Variants in CELA1 observed in about 807,000 individuals in gnomAD.
CELA1 encodes chymotrypsin like elastase 1, also known as chymotrypsin-like elastase family member 1.
CELA1 carries 28 observed loss-of-function variants against 34.8 expected under a neutral mutation model. The ratio of observed to expected loss-of-function variants is 0.80; its 90% CI spans 0.60 to 1.10. The LOEUF is 1.10. Among genes scored for constraint, CELA1 ranks in the 50% least tolerant of loss-of-function variants. The probability of loss-of-function intolerance (pLI) is 0.00; values close to 1 mark genes in which losing one functional copy is unlikely to be tolerated. For missense variants in CELA1, 288 were observed against 327.5 expected (o/e 0.88, Z 0.93); for synonymous variants, 140 against 129.8 (o/e 1.08, Z -0.53).
At chr12:51,334,681 G>A (rs916826012) in intron 6 of CELA1, among the ~76,000 whole-genome samples, 3 of 152,164 alleles carry the variant, frequency 2.0e-5, no homozygotes, top group African/African-American at 7.2e-5. Flanking sequence ...TGATCCGCCT[G>A]CCTTGGCCTC....
intron 7 of CELA1, 100 bp from the exon 8 acceptor site, chr12:51,328,694 A>T (rs1177582051): frequency 7.3e-7 from 1 of 1,374,372 alleles, no homozygotes; most frequent in Non-Finnish European, 1.0e-6. Flanking sequence ...TACTGGGTTT[A>T]TGGGAAGTTG....
At chr12:51,341,430 G>A (rs746588426) in intron 4 of CELA1, 50 bp from the exon 5 acceptor site, 1 of 1,607,786 alleles carries the variant, frequency 6.2e-7, no homozygotes, top group Admixed American at 1.7e-5. Context: ...TCTTCCCTGA[G>A]GTCAGCATAT....
intron 6 of CELA1, 44 bp downstream of exon 6, chr12:51,339,816 A>G: frequency 6.3e-7 from 1 of 1,594,370 alleles, no homozygotes; most frequent in Non-Finnish European, 8.6e-7. Context: ...AGGGATAGGC[A>G]GAGAGTGGCG....
In CELA1 at chr12:51,341,454, C is replaced by T. The variant is rs997745403; in HGVS notation, c.327-74G>A. 2.0e-6 allele frequency: 3 copies of T among 1,525,560 alleles called. No homozygotes were observed. The African/African-American group carries it at 4.1e-5, about 21-fold the overall frequency. 94.5% of individuals were successfully genotyped at this position (1,525,560 alleles called of 1,614,324 possible). A position where few individuals can be genotyped will look rare whatever the true frequency, so the allele number is the denominator to read the frequency against. On this transcript the variant is annotated intron_variant, in intron 4 of 7. Transcript: ENST00000293636. ...AGGTCAGCATATACACTGGCCCTCT[C>T]TAAGCATTTGTATCCCCGTGGAATT...
chr12:51,335,149 T>A (rs573126035), intron 6 of CELA1, among the ~76,000 whole-genome samples: 7 of 152,218 alleles, frequency 4.6e-5, no homozygotes, highest in African/African-American at 1.2e-4. Context: ...CCACCTGTGC[T>A]CTTAGTTCCA....
chr12:51,345,042 T>G (rs1946558205), intron 2 of CELA1, among the ~76,000 whole-genome samples: 1 of 152,126 alleles, frequency 6.6e-6, no homozygotes, highest in Non-Finnish European at 1.5e-5. Context: ...GGAGAACTGC[T>G]TGAACCCAGG....
chr12:51,342,435 A>G, intron 4 of CELA1, 140 bp downstream of exon 4: 1 of 1,228,650 alleles, frequency 8.1e-7, no homozygotes, highest in Admixed American at 2.1e-5. Flanking sequence ...CTCCTTAACT[A>G]AAGGCCAGGC....
intron 6 of CELA1, among the ~76,000 whole-genome samples, chr12:51,332,453 C>G (rs989136992): frequency 1.3e-5 from 2 of 152,042 alleles, no homozygotes; most frequent in Non-Finnish European, 2.9e-5. Flanking sequence ...ATGTAGACAC[C>G]AAAAGAATCA....
At chr12:51,329,923 T>A in intron 6 of CELA1, 90 bp from the exon 7 acceptor site, 1 of 1,295,178 alleles carries the variant, frequency 7.7e-7, no homozygotes, top group Non-Finnish European at 1.1e-6. Flanking sequence ...TGTGAAATTC[T>A]GTACGGTTTT....
Position 51,342,578 on chromosome 12 carries a change from G to A in CELA1, c.323C>T (p.Ala108Val). 1 of 1,614,074 alleles carries A rather than the reference G, an allele frequency of 6.2e-7. No individual in the cohort carries two copies. The highest frequency in any genetic ancestry group is 8.5e-7 in the Non-Finnish European group (1 of 1,180,012). Residue 108 changes from alanine (A) to valine (V), a missense_variant, in exon 4 of 8, where the codon GCC becomes GTC. Physicochemically the swap from Ala to Val is moderately conservative, Grantham distance 64. Coordinates refer to ENST00000293636, the MANE Select transcript of CELA1 (RefSeq NM_001971.6). ...GCCAGCTTGGACTTGCTCCTACCCG[G>A]CAGCCACGTTATCGCTGTTCCAGTA... Reference protein sequence around the residue: ...HPYWNSDNVAAGYDIALLRLA... With the variant: ...HPYWNSDNVAVGYDIALLRLA...
chr12:51,345,414 G>A (rs1465342862), intron 2 of CELA1, among the ~76,000 whole-genome samples: 4 of 152,236 alleles, frequency 2.6e-5, no homozygotes, highest in African/African-American at 4.8e-5. Context: ...GTGTGTGTGC[G>A]CGCACATGCG....
intron 7 of CELA1, among the ~76,000 whole-genome samples, chr12:51,328,883 TG>T (rs1233331429): frequency 6.6e-6 from 1 of 152,162 alleles, no homozygotes; most frequent in African/African-American, 2.4e-5. Flanking sequence ...TGAAATGTGT[TG>T]TGTGGCCTTT....
At chr12:51,338,936 A>AC (rs1946516374) in intron 6 of CELA1, among the ~76,000 whole-genome samples, 1 of 151,922 alleles carries the variant, frequency 6.6e-6, no homozygotes, top group African/African-American at 2.4e-5. Flanking sequence ...ACAAAGCAAG[A>AC]CCCCATCTCT....
chr12:51,338,302 A>ACG (rs1555174546), intron 6 of CELA1, among the ~76,000 whole-genome samples: 3,832 of 23,820 alleles, frequency 0.16, 97 homozygotes, highest in East Asian at 0.46. Context: ...ACATACGCAT[A>ACG]CATATATATA....
At chr12:51,345,373 C>T (rs1294803469) in intron 2 of CELA1, among the ~76,000 whole-genome samples, 1 of 152,170 alleles carries the variant, frequency 6.6e-6, no homozygotes, top group Non-Finnish European at 1.5e-5. Flanking sequence ...TCTAAATAGC[C>T]AACTAAGCAG....
In CELA1 at chr12:51,339,551, C is replaced by CA. The variant is rs1168663831; in HGVS notation, c.609+308dup. The stretch of plus-strand genomic sequence containing the variant: ...GGGCAACAAGAGCAAAACTCCATCT[C>CA]AAAAAAAAAATCTAGGTAACAAATT... On this transcript the variant is annotated intron_variant, in intron 6 of 7. Coordinates refer to ENST00000293636, the MANE Select transcript of CELA1 (RefSeq NM_001971.6). Among the ~76,000 whole-genome samples the CA allele has an allele frequency of 5.0e-3, 744 of 149,362 alleles. 4 individuals are homozygous for CA. Among genetic ancestry groups the CA allele is most frequent in the African/African-American group, 0.018 (714 of 40,772 alleles).
At chr12:51,344,936 C>G (rs975748287) in intron 2 of CELA1, among the ~76,000 whole-genome samples, 1 of 151,908 alleles carries the variant, frequency 6.6e-6, no homozygotes, top group African/African-American at 2.4e-5. Context: ...ACCAGCCTGG[C>G]CAACATGGTG....
At chr12:51,341,934 G>C (rs575243532) in intron 4 of CELA1, among the ~76,000 whole-genome samples, 1 of 152,260 alleles carries the variant, frequency 6.6e-6, no homozygotes, top group African/African-American at 2.4e-5. Context: ...ACCCCCCATA[G>C]AAACAGAACA....
intron 3 of CELA1, 52 bp from the exon 4 acceptor site, chr12:51,342,752 T>C (rs141477917): frequency 2.5e-6 from 4 of 1,569,458 alleles, no homozygotes; most frequent in Non-Finnish European, 3.5e-6. Context: ...AAACCTTCTC[T>C]ACCCCACTTA....
Sources: allele counts gnomAD v4.1 joint callset (sites outside exome capture counted in the v4.1 genomes callset), GRCh38; gene constraint gnomAD v4.1.1; transcripts MANE v1.5; gene names NCBI Gene and HGNC (gene_info 2026-07-23, HGNC 2026-07-21).